Variants in MARCHF1 observed in about 807,000 individuals in gnomAD.
MARCHF1 encodes the protein E3 ubiquitin-protein ligase MARCHF1.
MARCHF1 carries 40 observed loss-of-function variants against 54.2 expected under a neutral mutation model. The ratio of observed to expected loss-of-function variants is 0.74; its 90% confidence interval spans 0.57 to 0.96. The LOEUF is 0.96. Ranked by LOEUF, MARCHF1 falls within the 40% of genes least tolerant of loss-of-function variation. The pLI, the probability that MARCHF1 is intolerant of heterozygous loss-of-function variation, is 0.00. For synonymous variants in MARCHF1, 236 were observed against 236.3 expected (o/e 1.00, Z 0.01); for missense variants, 586 against 656.5 (o/e 0.89, Z 1.17).
intron 3 of MARCHF1, among the ~76,000 whole-genome samples, chr4:163,955,664 C>T (rs12506076): frequency 0.17 from 25,121 of 152,076 alleles, 2,584 homozygotes; most frequent in South Asian, 0.33. Flanking sequence ...TGGGGCTTTC[C>T]TTTATATCTT....
rs3085765 is a variant in MARCHF1 at position 163,603,166 on chromosome 4, A to AT, written c.1010+9104dup. On this transcript the variant is annotated intron_variant, in intron 7 of 9. Coordinates refer to ENST00000514618, the MANE Select transcript of MARCHF1 (RefSeq NM_001394959.1). The stretch of plus-strand genomic sequence containing the variant: ...AAAGATTAAGGTAAAGGGAAGTGTA[A>AT]TTTTTTTTTCTCTAAATAAATGTTG... Among the ~76,000 whole-genome samples the AT allele has an allele frequency of 3.0e-4, 46 of 151,754 alleles. No individual in the cohort carries two copies. The South Asian group carries it at 7.5e-3, about 25-fold the overall frequency.
At chr4:163,685,213 T>G (rs1480262420) in intron 5 of MARCHF1, among the ~76,000 whole-genome samples, 1 of 152,184 alleles carries the variant, frequency 6.6e-6, no homozygotes, top group Non-Finnish European at 1.5e-5. Flanking sequence ...TACACTTTTT[T>G]TTTTGCATAA....
intron 7 of MARCHF1, among the ~76,000 whole-genome samples, chr4:163,589,070 G>GAA (rs34118569): frequency 0.028 from 3,630 of 127,948 alleles, 129 homozygotes; most frequent in African/African-American, 0.09. Context: ...TGTCTTATTT[G>GAA]AAAAAAAAAA....
In MARCHF1 at chr4:163,531,482, C is replaced by T. The variant is rs192554756; in HGVS notation, c.1340-2436G>A. On this transcript the variant is annotated intron_variant, in intron 9 of 9. Transcript: ENST00000514618. ...TAATGCGATAAAGAACATAGAAAACCTATAGCTGACATAATGGTAAGAAAC... is the reference window on the plus strand; with the variant it reads ...TAATGCGATAAAGAACATAGAAAACTTATAGCTGACATAATGGTAAGAAAC... Among the ~76,000 whole-genome samples the T allele has an allele frequency of 9.2e-5, 14 of 151,816 alleles. No individual in the cohort carries two copies. The East Asian group carries it at 2.7e-3, about 29-fold the overall frequency.
Position 163,527,565 on chromosome 4 carries a change from A to C in MARCHF1, c.*1183T>G, listed in dbSNP as rs1241092562. The stretch of plus-strand genomic sequence containing the variant: ...ACTTTTGGATTTTTACCCTTTAGAG[A>C]TGTGAACTTCATCTGACTTTAAAAT... On this transcript the variant is annotated 3_prime_UTR_variant, in exon 10 of 10. Transcript: ENST00000514618. 1.3e-5 allele frequency: 2 copies of C among 152,052 alleles called. No homozygotes were observed. Among genetic ancestry groups the C allele is most frequent in the Non-Finnish European group, 2.9e-5 (2 of 67,966 alleles). 9.4% of individuals were successfully genotyped at this position (152,052 alleles called of 1,614,324 possible). A position where few individuals can be genotyped will look rare whatever the true frequency, so the allele number is the denominator to read the frequency against.
At chr4:164,311,660 G>C (rs187974106) in intron 1 of MARCHF1, among the ~76,000 whole-genome samples, 8 of 151,982 alleles carry the variant, frequency 5.3e-5, no homozygotes, top group African/African-American at 1.9e-4. Context: ...TTTTTTGTTT[G>C]AACATTTTTT....
In MARCHF1 at chr4:163,691,328, G is replaced by C. The variant is rs932416168; in HGVS notation, c.162+9485C>G. Among the ~76,000 whole-genome samples, 12 of 152,346 alleles carry C rather than the reference G, an allele frequency of 7.9e-5. No homozygotes were observed. The South Asian group carries it at 2.3e-3, about 29-fold the overall frequency. ...AATCCTGCCCCATGTTAGTAGGTCA[G>C]ATACTGAGACTTCAGATGTTGGTGA... On this transcript the variant is annotated intron_variant, in intron 5 of 9. Transcript: ENST00000514618.
At chr4:163,529,117 T>C in intron 9 of MARCHF1, 71 bp from the exon 10 acceptor site, 1 of 1,228,982 alleles carries the variant, frequency 8.1e-7, no homozygotes, top group Non-Finnish European at 1.1e-6. Flanking sequence ...TTTTTTTCTA[T>C]GACCCTTCAA....
chr4:164,056,146 T>C (rs1005757126), intron 2 of MARCHF1, among the ~76,000 whole-genome samples: 6 of 152,204 alleles, frequency 3.9e-5, no homozygotes, highest in Admixed American at 2.0e-4. Context: ...TCTAGTGCAA[T>C]GATGCGCTGG....
chr4:164,228,937 G>A (rs1271745454), intron 1 of MARCHF1, among the ~76,000 whole-genome samples: 1 of 152,120 alleles, frequency 6.6e-6, no homozygotes, highest in Admixed American at 6.6e-5. Flanking sequence ...TTTAAATCAG[G>A]ACTGTAAAAG....
intron 1 of MARCHF1, among the ~76,000 whole-genome samples, chr4:164,211,235 G>T (rs1469881171): frequency 6.6e-6 from 1 of 151,088 alleles, no homozygotes; most frequent in Non-Finnish European, 1.5e-5. Context: ...ATAATAAGTA[G>T]TTGAGGTGGT....
intron 1 of MARCHF1, among the ~76,000 whole-genome samples, chr4:164,335,436 A>G (rs1340955602): frequency 3.3e-5 from 5 of 152,100 alleles, no homozygotes; most frequent in African/African-American, 9.7e-5. Flanking sequence ...CGAAAAATTA[A>G]CTGGGCGTGG....
intron 8 of MARCHF1, among the ~76,000 whole-genome samples, chr4:163,563,463 C>G (rs1375091087): frequency 1.3e-5 from 2 of 152,194 alleles, no homozygotes; most frequent in Admixed American, 1.3e-4. Context: ...AGTCACCATT[C>G]AAAACCAGTT....
At chr4:163,689,957 T>C (rs1744393101) in intron 5 of MARCHF1, among the ~76,000 whole-genome samples, 1 of 152,208 alleles carries the variant, frequency 6.6e-6, no homozygotes, top group African/African-American at 2.4e-5. Flanking sequence ...CTATCTTGGC[T>C]CTAAGCTCTT....
intron 1 of MARCHF1, among the ~76,000 whole-genome samples, chr4:164,253,130 T>C (rs762607618): frequency 5.3e-5 from 8 of 152,054 alleles, no homozygotes; most frequent in African/African-American, 1.9e-4. Flanking sequence ...CAAATAGAAA[T>C]GATAGATTAC....
At chr4:164,008,045 G>A (rs1030112350) in intron 2 of MARCHF1, among the ~76,000 whole-genome samples, 13 of 151,878 alleles carry the variant, frequency 8.6e-5, no homozygotes, top group Admixed American at 3.3e-4. Flanking sequence ...GTGGCTGAAC[G>A]AATTTAAAAA....
At chr4:164,325,565 CAAG>C (rs1369638008) in intron 1 of MARCHF1, among the ~76,000 whole-genome samples, 2 of 151,800 alleles carry the variant, frequency 1.3e-5, no homozygotes, top group Non-Finnish European at 2.9e-5. Flanking sequence ...AAAACCAACA[CAAG>C]AAGACTCATT....
intron 1 of MARCHF1, among the ~76,000 whole-genome samples, chr4:164,342,398 T>C (rs1729954906): frequency 1.3e-5 from 2 of 152,100 alleles, no homozygotes; most frequent in Non-Finnish European, 2.9e-5. Flanking sequence ...GAAAACATTA[T>C]GGAGGTTCCT....
In MARCHF1 at chr4:163,894,631, T is replaced by TATATATATATGCATGTGATGC. The variant is rs1750741456; in HGVS notation, c.-38-40483_-38-40463dup. On this transcript the variant is annotated intron_variant, in intron 3 of 9. Coordinates refer to ENST00000514618, the MANE Select transcript of MARCHF1 (RefSeq NM_001394959.1). ...CATATATATATATGCATGTGATGCA[T>TATATATATATGCATGTGATGC]ATATATATATGCATGTGATGCATAT... 4.0e-5 allele frequency among the ~76,000 whole-genome samples: 4 copies of TATATATATATGCATGTGATGC among 100,336 alleles called. 1 individual carries two copies. Among genetic ancestry groups the TATATATATATGCATGTGATGC allele is most frequent in the East Asian group, 5.3e-4 (2 of 3,764 alleles). The allele number at this position is 100,336 out of a possible 152,430, so 65.8% of individuals were successfully genotyped here. A position where few individuals can be genotyped will look rare whatever the true frequency, so the allele number is the denominator to read the frequency against.
Sources: gnomAD v4.1 joint callset for allele counts (sites outside exome capture counted in the v4.1 genomes callset) on GRCh38, gnomAD v4.1.1 for gene constraint, MANE v1.5 for transcripts, NCBI Gene and HGNC (gene_info 2026-07-23, HGNC 2026-07-21) for gene names.